Variants in CROCC observed in about 807,000 individuals in gnomAD.
CROCC encodes the protein rootletin.
Under a neutral mutation model 245.2 loss-of-function variants are expected in CROCC, and 180 were observed. The observed-to-expected ratio is 0.73, with a 90% CI of 0.65 to 0.83. The LOEUF is 0.83. Among genes scored for constraint, CROCC ranks in the 40% least tolerant of loss-of-function variants. The probability of loss-of-function intolerance (pLI) is 0.00; values close to 1 mark genes in which losing one functional copy is unlikely to be tolerated. For missense variants in CROCC, 2,688 were observed against 2,779.4 expected, an observed-to-expected ratio of 0.97 and a Z score of 0.74; for synonymous variants, 1,205 against 1,241.6, an observed-to-expected ratio of 0.97 and a Z score of 0.62.
chr1:16,930,845 G>C (rs1159505309), intron 7 of CROCC, among the ~76,000 whole-genome samples: 2 of 152,286 alleles, frequency 1.3e-5, no homozygotes, highest in Non-Finnish European at 2.9e-5. Context: ...TCATTTTAAA[G>C]AGAGGTTAAG....
intron 20 of CROCC, 38 bp from the exon 21 acceptor site, chr1:16,953,264 T>A (rs1268621278): frequency 6.5e-7 from 1 of 1,543,180 alleles, no homozygotes; most frequent in South Asian, 1.2e-5. Flanking sequence ...CTGGGCCCCC[T>A]CCTGGTGTGT....
Position 16,931,345 on chromosome 1 carries a change from C to G in CROCC, c.904C>G (p.Gln302Glu), listed in dbSNP as rs143501240. 0.039 allele frequency: 62,265 copies of G among 1,588,254 alleles called. No homozygotes were observed. The highest frequency in any genetic ancestry group is 0.052 in the Middle Eastern group (307 of 5,908). ...EHSRLLLLWR[Q>E]VVGFRRLVSE... ...CAGTCGCCTGCTCCTCCTCTGGAGGCAGGTGGTGGGGTTCCGGCGGCTGGT... is the reference window on the plus strand; with the variant it reads ...CAGTCGCCTGCTCCTCCTCTGGAGGGAGGTGGTGGGGTTCCGGCGGCTGGT... Residue 302 changes from glutamine to glutamate, a missense_variant, in exon 8 of 37, where the codon CAG becomes GAG. By Grantham distance (29) the Gln-to-Glu change is conservative. Transcript: ENST00000375541.
At chr1:16,922,177 G>A in intron 1 of CROCC, 99 bp downstream of exon 1, 2 of 1,249,250 alleles carry the variant, frequency 1.6e-6, no homozygotes, top group South Asian at 1.6e-5. Flanking sequence ...CAAGGGGTGG[G>A]AGAGGTGTGG....
chr1:16,935,939 A>G (rs572446355), intron 8 of CROCC, among the ~76,000 whole-genome samples: 90 of 152,334 alleles, frequency 5.9e-4, no homozygotes, highest in African/African-American at 2.1e-3. Flanking sequence ...GGAAGGTCCT[A>G]TGCATGCATA....
intron 12 of CROCC, 47 bp downstream of exon 12, chr1:16,939,189 A>T: frequency 9.5e-7 from 1 of 1,056,516 alleles, no homozygotes; most frequent in Non-Finnish European, 1.2e-6. Flanking sequence ...GGCCTGGGGG[A>T]GGGGCTCGCG....
intron 8 of CROCC, among the ~76,000 whole-genome samples, chr1:16,933,713 G>C (rs1358538181): frequency 3.9e-5 from 6 of 152,254 alleles, no homozygotes; most frequent in African/African-American, 1.4e-4. Context: ...TTACAGGAGT[G>C]CGCCACCACG....
chr1:16,954,838 C>G lies in CROCC; in HGVS notation c.3426C>G (p.Ala1142=), dbSNP rs1039939868. ...AQEVRRLQEQ[A]RDLGKQRDSC... ...AGGTGAGGAGGCTGCAAGAGCAGGCCCGAGACCTGGGCAAGCAGCGGGACT... is the reference window on the plus strand; with the variant it reads ...AGGTGAGGAGGCTGCAAGAGCAGGCGCGAGACCTGGGCAAGCAGCGGGACT... Residue 1142 remains alanine (A), a synonymous_variant, in exon 23 of 37, where the codon GCC becomes GCG. Transcript: ENST00000375541. The surrounding 1 kb of genome is among the most constrained non-coding windows in gnomAD (Gnocchi z 4.4). The G allele has an allele frequency of 3.9e-6, 6 of 1,546,016 alleles. No individual in the cohort carries two copies. The African/African-American group carries it at 8.2e-5, about 21-fold the overall frequency.
intron 18 of CROCC, 49 bp from the exon 19 acceptor site, chr1:16,948,750 G>T (rs1431619794): frequency 1.2e-6 from 2 of 1,604,268 alleles, no homozygotes; most frequent in Admixed American, 1.7e-5. Flanking sequence ...CAGTTTCCTG[G>T]GGCCAGGGAG....
chr1:16,937,521 C>G, intron 9 of CROCC, 120 bp from the exon 10 acceptor site: 1 of 792,980 alleles, frequency 1.3e-6, no homozygotes, highest in Non-Finnish European at 2.1e-6. Flanking sequence ...GTCACACAGC[C>G]AGGGAGGTGG....
chr1:16,926,028 G>C (rs2075527459), intron 3 of CROCC, among the ~76,000 whole-genome samples: 2 of 152,290 alleles, frequency 1.3e-5, no homozygotes, highest in African/African-American at 4.8e-5. Context: ...GAAGGGAAGA[G>C]GTGGGAGGTA....
intron 8 of CROCC, among the ~76,000 whole-genome samples, chr1:16,933,368 G>A (rs1251357679): frequency 1.3e-5 from 2 of 152,260 alleles, no homozygotes; most frequent in African/African-American, 2.4e-5. Flanking sequence ...TGGGGAGGCT[G>A]AGGCCCCAGA....
chr1:16,937,077 G>A (rs1433214195), intron 9 of CROCC, among the ~76,000 whole-genome samples: 28 of 152,382 alleles, frequency 1.8e-4, no homozygotes, highest in Middle Eastern at 6.8e-3. Context: ...ACTTGTGGCC[G>A]GGTGTGGTGG....
At chr1:16,928,092 G>T (rs563782894) in intron 3 of CROCC, among the ~76,000 whole-genome samples, 2 of 152,418 alleles carry the variant, frequency 1.3e-5, no homozygotes, top group Non-Finnish European at 2.9e-5. Flanking sequence ...GGTGAGAGCA[G>T]CTGCCCTCCT....
intron 3 of CROCC, among the ~76,000 whole-genome samples, chr1:16,926,659 TG>T (rs2075541178): frequency 1.3e-5 from 2 of 152,214 alleles, no homozygotes. Flanking sequence ...AGGGCCCCCA[TG>T]GGGGTCCCCC....
chr1:16,965,872 C>G lies in CROCC; in HGVS notation c.4555C>G (p.Arg1519Gly). Residue 1519 changes from arginine to glycine, a missense_variant, in exon 28 of 37, where the codon CGG (arginine) becomes GGG (glycine). By Grantham distance (125) the Arg-to-Gly change is moderately radical (BLOSUM62 -2). Transcript: ENST00000375541. ...CCTCCGGGAATTCCTGCAAGAGCTG[C>G]GGAGTGCCCAGAGAGAACGGGTAAG... ...GALREFLQEL[R>G]SAQRERDELR... The G allele has an allele frequency of 6.2e-7, 1 of 1,613,470 alleles. No individual in the cohort carries two copies. Among genetic ancestry groups the G allele is most frequent in the South Asian group, 1.1e-5 (1 of 91,080 alleles).
At chr1:16,914,507 C>T (rs2075283142) in intron 1 of CROCC, among the ~76,000 whole-genome samples, 2 of 152,286 alleles carry the variant, frequency 1.3e-5, no homozygotes, top group African/African-American at 4.8e-5. Flanking sequence ...GCGTGCGGGC[C>T]CCGCCCTGCA....
Position 16,936,758 on chromosome 1 carries a change from C to G in CROCC, c.1078C>G (p.Gln360Glu). 1.9e-6 allele frequency: 3 copies of G among 1,611,162 alleles called. No individual in the cohort carries two copies. The highest frequency in any genetic ancestry group is 2.5e-6 in the Non-Finnish European group (3 of 1,179,470). ...CCGGGCCGAGGCAGCCCTGGAGAAA[C>G]AGGCCCTGCTGCAGGCCCAGCTGGA... The part of the protein sequence containing the change: ...ESRAEAALEK[Q>E]ALLQAQLEEQ... The change falls in exon 9 of 37, where the codon CAG (glutamine) becomes GAG (glutamate). Residue 360 changes from glutamine (Q) to glutamate (E), a missense_variant. Physicochemically the swap from Gln to Glu is conservative, Grantham distance 29. Coordinates refer to ENST00000375541, the MANE Select transcript of CROCC (RefSeq NM_014675.5).
chr1:16,946,764 G>A lies in CROCC; in HGVS notation c.2287G>A (p.Glu763Lys), dbSNP rs1175786070. The stretch of plus-strand genomic sequence containing the variant: ...CCCACTCCTACCTGGCCTCCAGCTG[G>A]AGGAAGAAAAGTCCGCCCTGCAGGG... Reference protein sequence around the residue: ...LDLNRLVAQLEEEKSALQGRQ... With the variant: ...LDLNRLVAQLKEEKSALQGRQ... Residue 763 changes from glutamate to lysine, a missense_variant, in exon 17 of 37, where the codon GAG becomes AAG. Glu to Lys is a moderately conservative substitution (Grantham distance 56). Around this residue, in one of 9 missense-constraint regions of CROCC, gnomAD observed 295 missense variants for 241.7 expected, o/e 1.22. Transcript: ENST00000375541. 1.9e-6 allele frequency: 3 copies of A among 1,551,376 alleles called. No individual in the cohort carries two copies. Among genetic ancestry groups the A allele is most frequent in the South Asian group, 2.4e-5 (2 of 84,056 alleles).
chr1:16,916,604 T>G (rs944413382), intron 1 of CROCC, among the ~76,000 whole-genome samples: 1 of 152,276 alleles, frequency 6.6e-6, no homozygotes, highest in Admixed American at 6.5e-5. Context: ...CCTTCCAGGC[T>G]CAAGCAATCC....
Sources: gnomAD v4.1 joint callset for allele counts (sites outside exome capture counted in the v4.1 genomes callset) on GRCh38, gnomAD v4.1.1 for gene constraint, gnomAD v4.1.1 regional missense constraint, Gnocchi (gnomAD v3.1) non-coding constraint, MANE v1.5 for transcripts, NCBI Gene and HGNC (gene_info 2026-07-23, HGNC 2026-07-21) for gene names.